BTN3A3: variants seen among roughly 807,000 people sequenced by gnomAD.
BTN3A3 encodes butyrophilin 3.
Under a neutral mutation model 43.2 loss-of-function variants are expected in BTN3A3, and 39 were observed. The ratio of observed to expected loss-of-function variants is 0.90; its 90% CI spans 0.70 to 1.18. The LOEUF is 1.18. BTN3A3 is among the 50% of genes most tolerant of loss of function. The pLI, the probability that BTN3A3 is intolerant of heterozygous loss-of-function variation, is 0.00. For synonymous variants in BTN3A3, 255 were observed against 272.7 expected (o/e 0.93, Z 0.64); for missense variants, 631 against 722.8 (o/e 0.87, Z 1.46).
In BTN3A3 at chr6:26,445,695, CT is replaced by C; in HGVS notation, c.434-7del. On this transcript the variant is annotated splice_region_variant and splice_polypyrimidine_tract_variant and intron_variant, in intron 4 of 10. Coordinates refer to ENST00000244519, the MANE Select transcript of BTN3A3 (RefSeq NM_006994.5). ...TCTCAAGAATTTAGGGCAATTTATCCTTCTACAGCATTGGGTTCTGATCTTC... is the reference window on the plus strand; with the variant it reads ...TCTCAAGAATTTAGGGCAATTTATCCTCTACAGCATTGGGTTCTGATCTTC... 1 of 1,610,642 alleles carries C rather than the reference CT, an allele frequency of 6.2e-7. No homozygotes were observed. The highest frequency in any genetic ancestry group is 8.5e-7 in the Non-Finnish European group (1 of 1,177,180).
At chr6:26,449,079 C>A (rs764131471) in intron 8 of BTN3A3, among the ~76,000 whole-genome samples, 4 of 152,062 alleles carry the variant, frequency 2.6e-5, no homozygotes, top group African/African-American at 4.8e-5. Flanking sequence ...GGTGCATTTT[C>A]TGTGGCAGGA....
rs1396528978 is a variant in BTN3A3, at chr6:26,444,268, T to C, written c.397T>C (p.Phe133Leu). The C allele has an allele frequency of 6.2e-7, 1 of 1,612,062 alleles. No individual in the cohort carries two copies. The highest frequency in any genetic ancestry group is 1.7e-5 in the Admixed American group (1 of 60,024). ...CTTGTGTTATTTCCAAGATGGTGAC[T>C]TCTACGAAAAAGCCCTGGTGGAGCT... ...KYLCYFQDGD[F>L]YEKALVELKV... is the part of the protein sequence containing the mutation. Residue 133 changes from phenylalanine to leucine, a missense_variant, in exon 4 of 11, where the codon TTC (phenylalanine) becomes CTC (leucine). This residue lies in a region of BTN3A3 where 551 missense variants were observed against 584.0 expected (regional missense o/e 0.94). Coordinates refer to ENST00000244519, the MANE Select transcript of BTN3A3 (RefSeq NM_006994.5).
At chr6:26,447,872 G>C (rs1762822716) in intron 5 of BTN3A3, among the ~76,000 whole-genome samples, 1 of 152,148 alleles carries the variant, frequency 6.6e-6, no homozygotes, top group Non-Finnish European at 1.5e-5. Context: ...AGTGGACTAA[G>C]GAAAAGTTAA....
At chr6:26,447,023 C>T (rs935579553) in intron 5 of BTN3A3, among the ~76,000 whole-genome samples, 2 of 152,110 alleles carry the variant, frequency 1.3e-5, no homozygotes, top group Admixed American at 6.5e-5. Context: ...GTCACCAGCC[C>T]GGCCTATAAA....
Position 26,452,216 on chromosome 6 carries a change from T to A in BTN3A3, c.1560T>A (p.Ser520Arg), listed in dbSNP as rs780953847. Reference sequence around the variant, plus strand: ...GCCCAATACCAAAAGAAGTAGAGAGTTCCCCCGATCCTGACCTAGTGCCTG... The same window carrying A: ...GCCCAATACCAAAAGAAGTAGAGAGATCCCCCGATCCTGACCTAGTGCCTG... ...TICPIPKEVE[S>R]SPDPDLVPDH... Residue 520 changes from serine (S) to arginine (R), a missense_variant, in exon 11 of 11, where the codon AGT (serine) becomes AGA (arginine). Transcript: ENST00000244519. 7.4e-6 allele frequency: 12 copies of A among 1,613,900 alleles called. No individual in the cohort carries two copies. The highest frequency in any genetic ancestry group is 1.0e-5 in the Non-Finnish European group (12 of 1,180,000).
rs755895150 is a variant in BTN3A3, at chr6:26,452,367, A to G, written c.1711A>G (p.Asn571Asp). 5 of 1,608,342 alleles carry G rather than the reference A, an allele frequency of 3.1e-6. No individual in the cohort carries two copies. The highest frequency in any genetic ancestry group is 1.7e-5 in the Admixed American group (1 of 59,998). Reference protein sequence around the residue: ...GAEVSPSATTNQNHKLQARTE... With the variant: ...GAEVSPSATTDQNHKLQARTE... ...TGAGGTCTCCCCTTCTGCAACAACC[A>G]ATCAGAACCATAAGCTACAGGCACG... The change falls in exon 11 of 11, where the codon AAT (asparagine) becomes GAT (aspartate). Residue 571 changes from asparagine (N) to aspartate (D), a missense_variant. Coordinates refer to ENST00000244519, the MANE Select transcript of BTN3A3 (RefSeq NM_006994.5).
At position 26,452,403 on chromosome 6, in the gene BTN3A3, C is replaced by A. The variant is rs1404742304; in HGVS notation, c.1747C>A (p.Leu583Ile). 6 of 1,597,296 alleles carry A rather than the reference C, an allele frequency of 3.8e-6. No homozygotes were observed. The highest frequency in any genetic ancestry group is 5.1e-6 in the Non-Finnish European group (6 of 1,176,940). Residue 583 changes from leucine (L) to isoleucine (I), a missense_variant, in exon 11 of 11, where the codon CTT becomes ATT. Coordinates refer to ENST00000244519, the MANE Select transcript of BTN3A3 (RefSeq NM_006994.5). Reference protein sequence around the residue: ...NHKLQARTEALY With the variant: ...NHKLQARTEAIY ...TAAGCTACAGGCACGCACTGAAGCA[C>A]TTTACTGATATTCATTCCATTATTC...
intron 5 of BTN3A3, among the ~76,000 whole-genome samples, chr6:26,447,221 G>A (rs181940092): frequency 1.3e-5 from 2 of 152,282 alleles, no homozygotes; most frequent in East Asian, 3.9e-4. Flanking sequence ...AGAGTGATGT[G>A]TATAGAATGT....
intron 4 of BTN3A3, chr6:26,445,234 G>A (rs1356531246): frequency 1.8e-5 from 3 of 162,348 alleles, no homozygotes; most frequent in Non-Finnish European, 2.7e-5. Context: ...ACGCCGAGGA[G>A]AGCTTTTTTC....
At chr6:26,443,521 C>G in intron 2 of BTN3A3, 49 bp from the exon 3 acceptor site, 1 of 1,610,370 alleles carries the variant, frequency 6.2e-7, no homozygotes, top group Non-Finnish European at 8.5e-7. Context: ...AAAGCTTCTT[C>G]CAGGCCATAG....
chr6:26,445,999 T>C lies in BTN3A3; in HGVS notation c.715+14T>C. On this transcript the variant is annotated intron_variant, in intron 5 of 10. Transcript: ENST00000244519. ...TATCCATCGCAGGTCAGTACCCTGC[T>C]TGGCCTCAGCTTTACTGAGCTGAGC... 6.2e-7 allele frequency: 1 copy of C among 1,613,634 alleles called. No individual in the cohort carries two copies. Among genetic ancestry groups the C allele is most frequent in the Non-Finnish European group, 8.5e-7 (1 of 1,179,588 alleles).
chr6:26,450,086 T>G, intron 9 of BTN3A3, 21 bp from the exon 10 acceptor site: 1 of 1,612,778 alleles, frequency 6.2e-7, no homozygotes, highest in Non-Finnish European at 8.5e-7. Flanking sequence ...CTTTTTCTTA[T>G]CTGTGTCTCC....
intron 4 of BTN3A3, chr6:26,444,648 C>T (rs1762726343): frequency 1.1e-5 from 5 of 441,496 alleles, no homozygotes. Flanking sequence ...TCTGTTGTGT[C>T]TCCAAGTGCA....
chr6:26,440,769 CCT>C (rs1444330245), intron 1 of BTN3A3, 121 bp downstream of exon 1: 2 of 134,186 alleles, frequency 1.5e-5, no homozygotes, highest in African/African-American at 2.9e-5. Context: ...GGGTGCAGTG[CCT>C]CTGTGTGTGT....
rs751785232 is a variant in BTN3A3 at position 26,451,719 on chromosome 6, G to C, written c.1063G>C (p.Val355Leu). ...DPDTANAILL[V>L]SEDQRSVQRA... ...AGACACGGCAAACGCCATCCTCCTT[G>C]TTTCTGAGGACCAGAGGAGTGTGCA... Residue 355 changes from valine to leucine, a missense_variant, in exon 11 of 11, where the codon GTT (valine) becomes CTT (leucine). Val to Leu is a conservative substitution (Grantham distance 32, BLOSUM62 1). Around this residue, in one of 2 missense-constraint regions of BTN3A3, gnomAD observed 551 missense variants for 584.0 expected, o/e 0.94. Coordinates refer to ENST00000244519, the MANE Select transcript of BTN3A3 (RefSeq NM_006994.5). 6.2e-7 allele frequency: 1 copy of C among 1,614,138 alleles called. No homozygotes were observed. Among genetic ancestry groups the C allele is most frequent in the East Asian group, 2.2e-5 (1 of 44,882 alleles).
intron 10 of BTN3A3, 157 bp downstream of exon 10, chr6:26,450,290 T>C: frequency 1.2e-6 from 1 of 843,974 alleles, no homozygotes; most frequent in Non-Finnish European, 1.9e-6. Context: ...TGGGCCCATC[T>C]CCAAGACCCT....
At chr6:26,451,445 C>T (rs1762927435) in intron 10 of BTN3A3, among the ~76,000 whole-genome samples, 1 of 152,122 alleles carries the variant, frequency 6.6e-6, no homozygotes, top group Admixed American at 6.5e-5. Flanking sequence ...CCTGAGGCAG[C>T]ATCAGGGTAT....
intron 4 of BTN3A3, 40 bp downstream of exon 4, chr6:26,444,344 G>A: frequency 6.2e-7 from 1 of 1,611,966 alleles, no homozygotes. Context: ...CTTCTCTGTA[G>A]GATCTAGAGC....
rs71544683 is a variant in BTN3A3, at chr6:26,441,497, C to CTT, written c.-67+858_-67+859dup. Among the ~76,000 whole-genome samples the CTT allele has an allele frequency of 2.4e-4, 34 of 143,704 alleles. 1 individual carries two copies. In the East Asian group the frequency reaches 3.5e-3, roughly 15 times the overall value. The allele number at this position is 143,704 out of a possible 152,430, so 94.3% of individuals were successfully genotyped here. On this transcript the variant is annotated intron_variant, in intron 1 of 10. Transcript: ENST00000244519. Reference sequence around the variant, plus strand: ...CATAAATTTTTGTCTTAATTTCTGTCTTTTTTTTTTGCCTCAACAATAATT... The same window carrying CTT: ...CATAAATTTTTGTCTTAATTTCTGTCTTTTTTTTTTTTGCCTCAACAATAATT...
Sources: gnomAD v4.1 joint callset for allele counts (sites outside exome capture counted in the v4.1 genomes callset) on GRCh38, gnomAD v4.1.1 for gene constraint, gnomAD v4.1.1 regional missense constraint, MANE v1.5 for transcripts, NCBI Gene and HGNC (gene_info 2026-07-23, HGNC 2026-07-21) for gene names.